Variants in IGFN1 observed in about 807,000 individuals in gnomAD.
The protein encoded by IGFN1 is immunoglobulin like and fibronectin type III domain containing 1.
Under a neutral mutation model 289.5 loss-of-function variants are expected in IGFN1, and 253 were observed. The observed-to-expected ratio is 0.87, with a 90% CI of 0.79 to 0.97. The LOEUF is 0.97. Ranked by LOEUF, IGFN1 falls within the 50% of genes least tolerant of loss-of-function variation. The probability of loss-of-function intolerance (pLI) is 0.00; values close to 1 mark genes in which losing one functional copy is unlikely to be tolerated. For missense variants in IGFN1, 4,470 were observed against 4,686.1 expected (o/e 0.95, Z 1.35); for synonymous variants, 1,706 against 1,788.5 (o/e 0.95, Z 1.16).
chr1:201,205,042 T>G (rs973693490), intron 10 of IGFN1, 40 bp from the exon 11 acceptor site: 2 of 1,507,746 alleles, frequency 1.3e-6, no homozygotes, highest in Non-Finnish European at 1.8e-6. Context: ...CACTGTGTCA[T>G]ACCATCAAGC....
intron 23 of IGFN1, among the ~76,000 whole-genome samples, chr1:201,228,163 C>A (rs1345683878): frequency 6.6e-6 from 1 of 152,176 alleles, no homozygotes; most frequent in Non-Finnish European, 1.5e-5. Context: ...CACATGTAGT[C>A]CCGGAACGAA....
Position 201,209,218 on chromosome 1 carries a change from A to G in IGFN1, c.4325A>G (p.Tyr1442Cys), listed in dbSNP as rs1484017346. The G allele has an allele frequency of 1.3e-6, 2 of 1,483,348 alleles. No individual in the cohort carries two copies. Among genetic ancestry groups the G allele is most frequent in the African/African-American group, 2.9e-5 (2 of 69,910 alleles). 91.9% of individuals were successfully genotyped at this position (1,483,348 alleles called of 1,614,324 possible). The change falls in exon 12 of 24, where the codon TAT (tyrosine) becomes TGT (cysteine). Residue 1442 changes from tyrosine (Y) to cysteine (C), a missense_variant. Transcript: ENST00000335211. ...EGMGTGSKAG[Y>C]RDGLRGSGEM... ...ATGGGCACAGGGAGCAAGGCAGGTT[A>G]TAGGGATGGCTTAAGGGGTTCTGGA...
Position 201,205,087 on chromosome 1 carries a change from C to A in IGFN1, c.922C>A (p.Pro308Thr), listed in dbSNP as rs11584104. The A allele has an allele frequency of 0.054, 82,558 of 1,537,562 alleles. 2,517 individuals are homozygous for A. The highest frequency in any genetic ancestry group is 0.06 in the Non-Finnish European group (68,518 of 1,136,882). The stretch of plus-strand genomic sequence containing the variant: ...CATTCCTATTTCCCCGGCAGCCATC[C>A]CCCCAAGAGTGGTGGTCCCACTGGC... ...FSTELEASAI[P>T]PRVVVPLAET... Residue 308 changes from proline (P) to threonine (T), a missense_variant, in exon 11 of 24, where the codon CCC (proline) becomes ACC (threonine). Transcript: ENST00000335211.
In IGFN1 at chr1:201,228,133, G is replaced by A. The variant is rs115503392; in HGVS notation, c.11114-253G>A. 4.3e-3 allele frequency among the ~76,000 whole-genome samples: 650 copies of A among 152,268 alleles called. 10 individuals carry two copies. Among genetic ancestry groups the A allele is most frequent in the African/African-American group, 0.015 (619 of 41,546 alleles). On this transcript the variant is annotated intron_variant, in intron 23 of 23. Transcript: ENST00000335211. ...CTTAGGCATTTAGGAAGCCACTCTC[G>A]AAACACCCCAGCTTGTGTACACATG... is the stretch of plus-strand genomic sequence containing the variant.
In IGFN1 at chr1:201,212,284, C is replaced by T. The variant is rs1667855225; in HGVS notation, c.7391C>T (p.Thr2464Ile). The change falls in exon 12 of 24, where the codon ACC becomes ATC. Residue 2464 changes from threonine to isoleucine, a missense_variant. Physicochemically the swap from Thr to Ile is moderately conservative, Grantham distance 89. Transcript: ENST00000335211. ...ACTCTTTCAGATGAGCGAGGCTCCA[C>T]CAAAGATCTTGGGGGCTATGGAACT... ...RQTLSDERGS[T>I]KDLGGYGTSG... 2 of 1,536,160 alleles carry T rather than the reference C, an allele frequency of 1.3e-6. No homozygotes were observed. Among genetic ancestry groups the T allele is most frequent in the Non-Finnish European group, 1.7e-6 (2 of 1,146,670 alleles).
chr1:201,225,328 T>C (rs1465099797), intron 21 of IGFN1, among the ~76,000 whole-genome samples: 2 of 152,234 alleles, frequency 1.3e-5, no homozygotes, highest in Non-Finnish European at 2.9e-5. Context: ...GGCTCTGTAA[T>C]GCAGCTTCAT....
intron 23 of IGFN1, among the ~76,000 whole-genome samples, chr1:201,227,723 C>G (rs1367399828): frequency 3.3e-5 from 5 of 152,142 alleles, no homozygotes; most frequent in African/African-American, 7.2e-5. Flanking sequence ...AGCCACTGTG[C>G]CCGGCAGATT....
chr1:201,205,910 C>T (rs894108888), intron 11 of IGFN1, among the ~76,000 whole-genome samples, 173 bp from the exon 12 acceptor site: 9 of 152,344 alleles, frequency 5.9e-5, no homozygotes, highest in African/African-American at 1.9e-4. Context: ...ATCCCTGGAA[C>T]ACCCTGGCTT....
chr1:201,222,801 A>G lies in IGFN1; in HGVS notation c.10264A>G (p.Thr3422Ala), dbSNP rs148471387. The G allele has an allele frequency of 3.4e-4, 541 of 1,613,212 alleles. 1 individual carries two copies. Among genetic ancestry groups the G allele is most frequent in the Non-Finnish European group, 4.3e-4 (506 of 1,179,514 alleles). Residue 3422 changes from threonine (T) to alanine (A), a missense_variant, in exon 20 of 24, where the codon ACA becomes GCA. Coordinates refer to ENST00000335211, the MANE Select transcript of IGFN1 (RefSeq NM_001164586.2). ...KDLLTVKVGD[T>A]VRVPVSFEAM... ...CTTGCTGACAGTCAAGGTCGGGGAC[A>G]CAGTTCGTGTGCCCGTCTCCTTTGA...
chr1:201,199,215 A>C, intron 5 of IGFN1, 119 bp from the exon 6 acceptor site: 1 of 844,272 alleles, frequency 1.2e-6, no homozygotes. Flanking sequence ...GCCTTAGAGG[A>C]CAGTGGGGAG....
chr1:201,201,998 G>C (rs768667999), intron 9 of IGFN1, among the ~76,000 whole-genome samples, 166 bp downstream of exon 9: 2 of 152,138 alleles, frequency 1.3e-5, no homozygotes, highest in Admixed American at 1.3e-4. Flanking sequence ...ACCAAACCCT[G>C]GTGTAGACCA....
At chr1:201,221,932 C>T (rs1289369535) in intron 19 of IGFN1, among the ~76,000 whole-genome samples, 186 bp downstream of exon 19, 2 of 152,236 alleles carry the variant, frequency 1.3e-5, no homozygotes, top group Non-Finnish European at 2.9e-5. Context: ...AATGTTTTCT[C>T]ATTACGACTC....
Position 201,205,085 on chromosome 1 carries a change from TCCC to T in IGFN1, c.924_926del (p.Pro309del). The T allele has an allele frequency of 6.5e-7, 1 of 1,537,058 alleles. No individual in the cohort carries two copies. On this transcript the variant is annotated inframe_deletion, in exon 11 of 24. Coordinates refer to ENST00000335211, the MANE Select transcript of IGFN1 (RefSeq NM_001164586.2). ...CCCATTCCTATTTCCCCGGCAGCCA[TCCC>T]CCCAAGAGTGGTGGTCCCACTGGCG...
At chr1:201,216,281 C>T (rs1304600924) in intron 15 of IGFN1, 173 bp from the exon 16 acceptor site, 6 of 609,958 alleles carry the variant, frequency 9.8e-6, no homozygotes, top group Non-Finnish European at 1.7e-5. Flanking sequence ...ATGTGTGGCC[C>T]TCTGGGTAAT....
rs1653319975 is a variant in IGFN1, at chr1:201,216,634, C to T, written c.9476C>T (p.Thr3159Ile). 6.2e-7 allele frequency: 1 copy of T among 1,613,858 alleles called. No individual in the cohort carries two copies. The highest frequency in any genetic ancestry group is 8.5e-7 in the Non-Finnish European group (1 of 1,179,944). The part of the protein sequence containing the change: ...LKVGEAPADS[T>I]TFTDAHVEPG... ...GTGGGCGAGGCCCCCGCTGACAGCA[C>T]CACCTTCACGGATGCCCATGTGGAG... Residue 3159 changes from threonine to isoleucine, a missense_variant, in exon 16 of 24, where the codon ACC (threonine) becomes ATC (isoleucine). By Grantham distance (89) the Thr-to-Ile change is moderately conservative. Around this residue, in one of 8 missense-constraint regions of IGFN1, gnomAD observed 2,218 missense variants for 2,114.1 expected, o/e 1.05. Coordinates refer to ENST00000335211, the MANE Select transcript of IGFN1 (RefSeq NM_001164586.2).
intron 22 of IGFN1, 138 bp downstream of exon 22, chr1:201,226,261 G>T (rs1654092302): frequency 1.0e-6 from 1 of 989,582 alleles, no homozygotes; most frequent in African/African-American, 1.7e-5. Flanking sequence ...ATAACAGCCA[G>T]CAGCCCCGAG....
At position 201,212,847 on chromosome 1, in the gene IGFN1, G is replaced by C. The variant is rs749415956; in HGVS notation, c.7954G>C (p.Gly2652Arg). Residue 2652 changes from glycine to arginine, a missense_variant, in exon 12 of 24, where the codon GGT (glycine) becomes CGT (arginine). Physicochemically the swap from Gly to Arg is moderately radical, Grantham distance 125. Transcript: ENST00000335211. ...GCAGCCCGCAGGCTCCAGAGCTTCC[G>C]GTTCTCTGCAGGAGAAAGATGCCGC... The part of the protein sequence containing the change: ...GKQPAGSRAS[G>R]SLQEKDAAFG... The C allele has an allele frequency of 6.4e-7, 1 of 1,551,290 alleles. No individual in the cohort carries two copies. The highest frequency in any genetic ancestry group is 8.7e-7 in the Non-Finnish European group (1 of 1,146,896).
In IGFN1 at chr1:201,213,456, G is replaced by C; in HGVS notation, c.8563G>C (p.Glu2855Gln). Residue 2855 changes from glutamate to glutamine, a missense_variant, in exon 12 of 24, where the codon GAG becomes CAG. Physicochemically the swap from Glu to Gln is conservative, Grantham distance 29. This residue lies in a region of IGFN1 where 2,218 missense variants were observed against 2,114.1 expected (regional missense o/e 1.05). Transcript: ENST00000335211. ...PMGENWGCLE[E>Q]MLNEDQSREP... Reference sequence around the variant, plus strand: ...GGGAGAGAACTGGGGGTGCCTGGAGGAGATGCTGAATGAAGATCAGAGCCG... The same window carrying C: ...GGGAGAGAACTGGGGGTGCCTGGAGCAGATGCTGAATGAAGATCAGAGCCG... 1 of 1,614,084 alleles carries C rather than the reference G, an allele frequency of 6.2e-7. No homozygotes were observed. The highest frequency in any genetic ancestry group is 8.5e-7 in the Non-Finnish European group (1 of 1,179,968).
chr1:201,201,913 G>C (rs1667182396), intron 9 of IGFN1, 81 bp downstream of exon 9: 9 of 727,078 alleles, frequency 1.2e-5, no homozygotes, highest in Admixed American at 2.1e-5. Context: ...TGGGTACCCT[G>C]CATTCCTCCA....
Sources: gnomAD v4.1 joint callset for allele counts (sites outside exome capture counted in the v4.1 genomes callset) on GRCh38, gnomAD v4.1.1 for gene constraint, gnomAD v4.1.1 regional missense constraint, MANE v1.5 for transcripts, NCBI Gene and HGNC (gene_info 2026-07-23, HGNC 2026-07-21) for gene names.